PFKFB3: variants seen among roughly 807,000 people sequenced by gnomAD.
PFKFB3 encodes 6-phosphofructo-2-kinase/fructose-2,6-biphosphatase 3, also known as 6-phosphofructo-2-kinase/fructose-2,6-bisphosphatase 3.
In PFKFB3, 33 loss-of-function variants were observed where a neutral mutation model predicts 68.0. The ratio of observed to expected loss-of-function variants is 0.49; its 90% CI spans 0.37 to 0.65. PFKFB3 has a LOEUF of 0.65. PFKFB3 is among the 30% of genes least tolerant of loss of function. The probability of loss-of-function intolerance (pLI) is 0.00; values close to 1 mark genes in which losing one functional copy is unlikely to be tolerated. For missense variants in PFKFB3, 586 were observed against 712.2 expected (o/e 0.82, Z 2.02); for synonymous variants, 315 against 288.2 (o/e 1.09, Z -0.94).
chr10:6,212,497 C>T (rs1047090659), intron 1 of PFKFB3, among the ~76,000 whole-genome samples: 2 of 152,136 alleles, frequency 1.3e-5, no homozygotes, highest in Non-Finnish European at 2.9e-5. Flanking sequence ...CGTGACCGGC[C>T]CTTCCCTCGG....
the PFKFB3 span, chr10:6,294,506 C>T: frequency 1.9e-5 from 4 of 208,570 alleles, no homozygotes; most frequent in Non-Finnish European, 3.9e-5. Context: ...ACAAGAACAG[C>T]ATGGGAAAGA....
At chr10:6,245,052 G>GT (rs747816516) in intron 14 of PFKFB3, among the ~76,000 whole-genome samples, 30 of 152,288 alleles carry the variant, frequency 2.0e-4, no homozygotes, top group Non-Finnish European at 4.0e-4. Context: ...GCGAGGTCAG[G>GT]TGTCACAGCT....
At chr10:6,251,466 G>A (rs940455637) in intron 14 of PFKFB3, among the ~76,000 whole-genome samples, 1 of 152,236 alleles carries the variant, frequency 6.6e-6, no homozygotes, top group Non-Finnish European at 1.5e-5. Flanking sequence ...TGTTGTAGCT[G>A]TGGATGTGAT....
intron 14 of PFKFB3, among the ~76,000 whole-genome samples, chr10:6,246,729 T>C (rs1352771915): frequency 6.6e-6 from 1 of 152,186 alleles, no homozygotes; most frequent in Non-Finnish European, 1.5e-5. Flanking sequence ...GTATATTGCA[T>C]GATGCTGAAG....
chr10:6,264,501 T>A, the PFKFB3 span, among the ~76,000 whole-genome samples: 2 of 152,200 alleles, frequency 1.3e-5, no homozygotes, highest in African/African-American at 2.4e-5. Flanking sequence ...TATTTAGGGT[T>A]TTTTGTTTAA....
rs1222442853 is a variant in PFKFB3, at chr10:6,215,225, C to CAACGTCGGGGAGT, written c.209_221dup (p.Tyr74Ter). The CAACGTCGGGGAGT allele has an allele frequency of 6.2e-7, 1 of 1,613,528 alleles. No homozygotes were observed. The highest frequency in any genetic ancestry group is 8.5e-7 in the Non-Finnish European group (1 of 1,179,650). On this transcript the variant is annotated frameshift_variant, in exon 3 of 15. Transcript: ENST00000379775. LOFTEE classifies it high-confidence loss of function. The surrounding 1 kb of genome is among the most constrained non-coding windows in gnomAD (Gnocchi z 4.3). ...TGTTCTCTTTCCCGTCCACAGTGTT[C>CAACGTCGGGGAGT]AACGTCGGGGAGTATCGCCGGGAGG...
intron 14 of PFKFB3, among the ~76,000 whole-genome samples, chr10:6,230,864 C>G (rs557133618): frequency 6.6e-6 from 1 of 151,880 alleles, no homozygotes; most frequent in Admixed American, 6.6e-5. Flanking sequence ...TACAGGCGCC[C>G]GCCACCATGC....
chr10:6,202,005 A>G (rs1843378112), upstream of PFKFB3, among the ~76,000 whole-genome samples: 1 of 152,266 alleles, frequency 6.6e-6, no homozygotes, highest in Admixed American at 6.5e-5. Flanking sequence ...AGTGAATTTT[A>G]GGAGTCTGCC....
chr10:6,148,003 A>C (rs1182768061), intron 1 of PFKFB3, among the ~76,000 whole-genome samples: 1 of 152,200 alleles, frequency 6.6e-6, no homozygotes, highest in Non-Finnish European at 1.5e-5. Flanking sequence ...CAGCTACTGA[A>C]TGTAGTTATG....
the PFKFB3 span, chr10:6,293,978 G>A: frequency 1.9e-6 from 1 of 520,072 alleles, no homozygotes; most frequent in Non-Finnish European, 3.9e-6. Context: ...TTGATCCAAT[G>A]GCTTCATGAA....
the PFKFB3 span, among the ~76,000 whole-genome samples, chr10:6,292,265 A>AC: frequency 8.2e-6 from 1 of 121,920 alleles, no homozygotes; most frequent in Admixed American, 9.4e-5. Flanking sequence ...AAACCAGTGT[A>AC]CTTTTTTTTT....
intron 1 of PFKFB3, among the ~76,000 whole-genome samples, chr10:6,183,750 T>C (rs599247): frequency 0.69 from 103,186 of 149,296 alleles, 36,096 homozygotes; most frequent in African/African-American, 0.81. Flanking sequence ...TGCAGTGGCG[T>C]GATCTCGGCT....
In PFKFB3 at chr10:6,220,585, T is replaced by G. The variant is rs2131978782; in HGVS notation, c.624-73T>G. The G allele has an allele frequency of 7.2e-7, 1 of 1,387,346 alleles. No individual in the cohort carries two copies. The highest frequency in any genetic ancestry group is 1.2e-5 in the South Asian group (1 of 85,238). 85.9% of individuals were successfully genotyped at this position (1,387,346 alleles called of 1,614,324 possible). A position where few individuals can be genotyped will look rare whatever the true frequency, so the allele number is the denominator to read the frequency against. On this transcript the variant is annotated intron_variant, in intron 7 of 14. Transcript: ENST00000379775. This position sits in a 1 kb window ranked among gnomAD's most constrained non-coding sequence, Gnocchi z 4.1. ...TTGCTGTTCTCTGGGGATCACATCT[T>G]CGGAGACGGGCCAGGTGCATCCTGC... is the stretch of plus-strand genomic sequence containing the variant.
rs1844511927 is a variant in PFKFB3 at position 6,215,453 on chromosome 10, G to T, written c.299+136G>T. The T allele has an allele frequency of 2.9e-6, 2 of 697,652 alleles. No homozygotes were observed. The highest frequency in any genetic ancestry group is 4.2e-5 in the Admixed American group (2 of 47,382). 43.2% of individuals were successfully genotyped at this position (697,652 alleles called of 1,614,324 possible). ...GGGAATAAGGCTGGGCTGCGGGGCT[G>T]CGGGTGTAAGGCTGGGCTGCGGGCT... On this transcript the variant is annotated intron_variant, in intron 3 of 14. Transcript: ENST00000379775. The surrounding 1 kb of genome is among the most constrained non-coding windows in gnomAD (Gnocchi z 4.3).
the PFKFB3 span, among the ~76,000 whole-genome samples, chr10:6,294,903 T>C: frequency 2.0e-5 from 3 of 152,256 alleles, no homozygotes; most frequent in Admixed American, 2.0e-4. Flanking sequence ...GGTCTGATAA[T>C]CCCCACATCT....
intron 14 of PFKFB3, among the ~76,000 whole-genome samples, chr10:6,248,315 A>G (rs991932029): frequency 6.6e-6 from 1 of 152,050 alleles, no homozygotes; most frequent in African/African-American, 2.4e-5. Context: ...TTCTCAAACC[A>G]CTCTACGGAA....
upstream of PFKFB3, among the ~76,000 whole-genome samples, chr10:6,201,048 GC>G: frequency 6.6e-6 from 1 of 152,346 alleles, no homozygotes; most frequent in African/African-American, 2.4e-5. The surrounding 1 kb of genome is among the most constrained non-coding windows in gnomAD (Gnocchi z 4.1). Context: ...AAATCGGTGG[GC>G]AAGCAGCGGG....
rs1841711651 is a variant in PFKFB3, at chr10:6,154,695, T to A, written c.16+9682T>A. 1.3e-5 allele frequency among the ~76,000 whole-genome samples: 2 copies of A among 151,712 alleles called. No homozygotes were observed. The highest frequency in any genetic ancestry group is 1.3e-4 in the Admixed American group (2 of 15,228). On this transcript the variant is annotated intron_variant, in intron 1 of 14. Coordinates refer to the PFKFB3 transcript ENST00000379789. The surrounding 1 kb of genome is among the most constrained non-coding windows in gnomAD (Gnocchi z 4.6). ...GCTGCGATCAGGGTGGTGTTGGGGG[T>A]GGCTGGATTCTGAATATATTTAGGA...
chr10:6,180,001 C>G (rs144048309), intron 1 of PFKFB3, among the ~76,000 whole-genome samples: 1 of 152,014 alleles, frequency 6.6e-6, no homozygotes, highest in Admixed American at 6.6e-5. Flanking sequence ...GGTCCTGAGT[C>G]GAGTTGCTGG....
Sources: allele counts gnomAD v4.1 joint callset (sites outside exome capture counted in the v4.1 genomes callset), GRCh38; gene constraint gnomAD v4.1.1; non-coding constraint Gnocchi (gnomAD v3.1); transcripts MANE v1.5; gene names NCBI Gene and HGNC (gene_info 2026-07-23, HGNC 2026-07-21).